The following INPP5F variants were observed in gnomAD, a reference collection of about 807,000 sequenced individuals.
INPP5F encodes inositol polyphosphate-5-phosphatase F.
A neutral mutation model predicts 137.2 loss-of-function variants in INPP5F; 97 were observed. That is an observed-to-expected ratio of 0.71 (90% CI 0.60 to 0.84). INPP5F has a LOEUF of 0.84. Ranked by LOEUF, INPP5F falls within the 40% of genes least tolerant of loss-of-function variation. The pLI is 0.00. For missense variants in INPP5F, 1,271 were observed against 1,371.9 expected (o/e 0.93, Z 1.16); for synonymous variants, 504 against 476.9 (o/e 1.06, Z -0.74).
At chr10:119,734,890 C>G (rs10787990) in intron 1 of INPP5F, among the ~76,000 whole-genome samples, 8,398 of 152,022 alleles carry the variant, frequency 0.055, 309 homozygotes, top group Admixed American at 0.1. Flanking sequence ...AAGTCCTTAG[C>G]TGATGTAAGT....
At chr10:119,799,298 T>G (rs948497730) in intron 9 of INPP5F, 15 of 428,048 alleles carry the variant, frequency 3.5e-5, no homozygotes, top group Admixed American at 1.3e-4. Context: ...GGTAAATGCA[T>G]TTTTTTTTCA....
Position 119,751,175 on chromosome 10 carries a change from C to T in INPP5F, c.178+19C>T, listed in dbSNP as rs1363702762. The T allele has an allele frequency of 7.8e-6, 11 of 1,415,532 alleles. No homozygotes were observed. Among genetic ancestry groups the T allele is most frequent in the Non-Finnish European group, 1.1e-5 (11 of 999,438 alleles). 87.7% of individuals were successfully genotyped at this position (1,415,532 alleles called of 1,614,324 possible). ...CATTCAGGTATGTTTCTATAAACTC[C>T]TTAAACTTGTCAAATTTATTGTAGC... On this transcript the variant is annotated intron_variant, in intron 2 of 19. Transcript: ENST00000650623.
intron 1 of INPP5F, among the ~76,000 whole-genome samples, chr10:119,730,659 A>G (rs1848030360): frequency 6.6e-6 from 1 of 152,248 alleles, no homozygotes; most frequent in Non-Finnish European, 1.5e-5. Context: ...TGTAAATTAT[A>G]TAATAATTCA....
intron 9 of INPP5F, among the ~76,000 whole-genome samples, chr10:119,802,316 A>C (rs994416958): frequency 6.6e-6 from 1 of 152,192 alleles, no homozygotes; most frequent in Admixed American, 6.5e-5. Context: ...AGAATGGCAG[A>C]GTAAAGGGAT....
chr10:119,816,016 A>AG (rs1851260483), intron 15 of INPP5F: 1 of 152,228 alleles, frequency 6.6e-6, no homozygotes, highest in Non-Finnish European at 1.5e-5. Context: ...TGAAGCCAAT[A>AG]CTTTGGAGCC....
chr10:119,761,978 G>A (rs1041578486), intron 2 of INPP5F, among the ~76,000 whole-genome samples: 1 of 152,202 alleles, frequency 6.6e-6, no homozygotes, highest in South Asian at 2.1e-4. Flanking sequence ...GACCACCCAC[G>A]TATACCAAAA....
intron 3 of INPP5F, among the ~76,000 whole-genome samples, chr10:119,783,442 T>C (rs1426055871): frequency 6.6e-6 from 1 of 152,214 alleles, no homozygotes; most frequent in Non-Finnish European, 1.5e-5. Context: ...CAGTCATGAT[T>C]TGCATATTTG....
intron 1 of INPP5F, among the ~76,000 whole-genome samples, chr10:119,729,624 T>G: frequency 6.6e-6 from 1 of 151,662 alleles, no homozygotes; most frequent in Non-Finnish European, 1.5e-5. Context: ...TCACCCAGGC[T>G]GGAGTGCAGT....
chr10:119,745,219 T>C (rs35241204), intron 1 of INPP5F, among the ~76,000 whole-genome samples: 6,586 of 152,232 alleles, frequency 0.043, 238 homozygotes, highest in South Asian at 0.22. Context: ...CCCCTCTCCC[T>C]ATCCTCCACA....
At chr10:119,737,134 A>AT (rs1328391866) in intron 1 of INPP5F, among the ~76,000 whole-genome samples, 1 of 152,184 alleles carries the variant, frequency 6.6e-6, no homozygotes, top group African/African-American at 2.4e-5. Context: ...TGGCCTGGAA[A>AT]TTAAGTTTCT....
chr10:119,731,067 A>G (rs898023856), intron 1 of INPP5F, among the ~76,000 whole-genome samples: 1 of 152,150 alleles, frequency 6.6e-6, no homozygotes, highest in Non-Finnish European at 1.5e-5. Flanking sequence ...GATTACAGGC[A>G]TGAGCCACCG....
At chr10:119,768,702 A>G (rs1849249710) in intron 2 of INPP5F, among the ~76,000 whole-genome samples, 1 of 152,144 alleles carries the variant, frequency 6.6e-6, no homozygotes, top group African/African-American at 2.4e-5. Context: ...TAGGAAAGGT[A>G]ATCTTTGCCT....
In INPP5F at chr10:119,731,207, G is replaced by A. The variant is rs1258586517; in HGVS notation, c.97+4848G>A. ...AATTATTTTTACTATGTCATATGAG[G>A]TTAACTTTTTTGAATGAGAAATCAT... is the stretch of plus-strand genomic sequence containing the variant. On this transcript the variant is annotated intron_variant, in intron 1 of 19. Transcript: ENST00000650623. Among the ~76,000 whole-genome samples, 4 of 151,850 alleles carry A rather than the reference G, an allele frequency of 2.6e-5. 1 individual carries two copies. Among genetic ancestry groups the A allele is most frequent in the Admixed American group, 1.3e-4 (2 of 15,248 alleles).
chr10:119,801,753 T>TA (rs537030022), intron 9 of INPP5F, among the ~76,000 whole-genome samples: 211 of 151,828 alleles, frequency 1.4e-3, no homozygotes, highest in African/African-American at 4.9e-3. Context: ...AATAAGTAAA[T>TA]AAATAAAATT....
In INPP5F at chr10:119,827,393, A is replaced by C; in HGVS notation, c.3012A>C (p.Thr1004=). The change falls in exon 20 of 20, where the codon ACA becomes ACC. Residue 1004 remains threonine (T), a synonymous_variant. Transcript: ENST00000650623. ...CAAATGAAACCCAATCAGAATCAAC[A>C]GAACAGACACCTTCTCGGCCATCGC... is the stretch of plus-strand genomic sequence containing the variant. ...QVSNETQSES[T]EQTPSRPSQL... is the part of the protein sequence containing the mutation. 1 of 1,614,226 alleles carries C rather than the reference A, an allele frequency of 6.2e-7. No individual in the cohort carries two copies. Among genetic ancestry groups the C allele is most frequent in the Non-Finnish European group, 8.5e-7 (1 of 1,180,038 alleles).
At position 119,787,133 on chromosome 10, in the gene INPP5F, C is replaced by G. The variant is rs557015011; in HGVS notation, c.316-4384C>G. The stretch of plus-strand genomic sequence containing the variant: ...GATTATCAGTATCTTCATATCAGTT[C>G]AGGGCATGCTTTGCCATTAAATGAG... On this transcript the variant is annotated intron_variant, in intron 3 of 19. Coordinates refer to ENST00000650623, the MANE Select transcript of INPP5F (RefSeq NM_014937.4). This position sits in a 1 kb window ranked among gnomAD's most constrained non-coding sequence, Gnocchi z 4.1. Among the ~76,000 whole-genome samples the G allele has an allele frequency of 3.3e-5, 5 of 152,106 alleles. No individual in the cohort carries two copies. Among genetic ancestry groups the G allele is most frequent in the Non-Finnish European group, 7.4e-5 (5 of 68,016 alleles).
intron 1 of INPP5F, among the ~76,000 whole-genome samples, chr10:119,733,385 A>C (rs1848140324): frequency 1.3e-5 from 2 of 152,182 alleles, no homozygotes; most frequent in Non-Finnish European, 2.9e-5. Flanking sequence ...AGTGTTTGGA[A>C]GATCTGCAGT....
At chr10:119,769,929 C>T (rs1849288384) in intron 2 of INPP5F, among the ~76,000 whole-genome samples, 1 of 151,990 alleles carries the variant, frequency 6.6e-6, no homozygotes, top group African/African-American at 2.4e-5. Flanking sequence ...ATTTATATAT[C>T]CTCTTAGTTC....
At chr10:119,727,388 T>C (rs752826290) in intron 1 of INPP5F, among the ~76,000 whole-genome samples, 7 of 152,210 alleles carry the variant, frequency 4.6e-5, no homozygotes, top group Non-Finnish European at 1.0e-4. Context: ...TATAGGATGG[T>C]TTTTAAGGAC....
Sources: allele counts gnomAD v4.1 joint callset (sites outside exome capture counted in the v4.1 genomes callset), GRCh38; gene constraint gnomAD v4.1.1; non-coding constraint Gnocchi (gnomAD v3.1); transcripts MANE v1.5; gene names NCBI Gene and HGNC (gene_info 2026-07-23, HGNC 2026-07-21).